MCC: variants seen among roughly 807,000 people sequenced by gnomAD.
The protein encoded by MCC is MCC regulator of Wnt signaling pathway.
In MCC, 90 loss-of-function variants were observed where a neutral mutation model predicts 116.2. The ratio of observed to expected loss-of-function variants is 0.77; its 90% CI spans 0.65 to 0.92. The LOEUF (loss-of-function observed/expected upper bound fraction) is 0.92, where lower values mean the gene tolerates loss of function less well. Ranked by LOEUF, MCC falls within the 40% of genes least tolerant of loss-of-function variation. The pLI is 0.00. For synonymous variants in MCC, 578 were observed against 510.5 expected (o/e 1.13, Z -1.78); for missense variants, 1,516 against 1,312.2 (o/e 1.16, Z -2.40).
chr5:113,186,934 C>G (rs893733495), intron 3 of MCC, among the ~76,000 whole-genome samples: 8 of 152,146 alleles, frequency 5.3e-5, no homozygotes, highest in Non-Finnish European at 1.2e-4. Context: ...CCCAGGGATA[C>G]TGCTAAACAT....
At chr5:113,192,685 T>C (rs1762203873) in intron 3 of MCC, among the ~76,000 whole-genome samples, 1 of 152,184 alleles carries the variant, frequency 6.6e-6, no homozygotes, top group Non-Finnish European at 1.5e-5. Context: ...GACTAAGAGA[T>C]GATACATGCA....
In MCC at chr5:113,419,241, GCTCA is replaced by G. The variant is rs1770246996; in HGVS notation, c.171-34033_171-34030del. Among the ~76,000 whole-genome samples the G allele has an allele frequency of 2.0e-5, 3 of 151,262 alleles. No individual in the cohort carries two copies. In the South Asian group the frequency reaches 6.3e-4, roughly 32 times the overall value. On this transcript the variant is annotated intron_variant, in intron 1 of 18. Transcript: ENST00000408903. ...TGTGGAGTGCAGCGGCGCTATCATA[GCTCA>G]CTTCAGCCTTCAACTCCTGGGCTCA...
At chr5:113,375,652 G>A (rs1768963799) in intron 2 of MCC, among the ~76,000 whole-genome samples, 1 of 152,060 alleles carries the variant, frequency 6.6e-6, no homozygotes, top group Non-Finnish European at 1.5e-5. Flanking sequence ...TCCATGTCTG[G>A]GGCTTGGTGC....
At chr5:113,224,934 T>A (rs550739404) in intron 3 of MCC, among the ~76,000 whole-genome samples, 40 of 152,324 alleles carry the variant, frequency 2.6e-4, no homozygotes, top group Admixed American at 4.6e-4. Context: ...GACCATGATC[T>A]GAGAGGTACC....
intron 3 of MCC, among the ~76,000 whole-genome samples, chr5:113,172,876 AT>A (rs138398343): frequency 0.15 from 22,682 of 149,306 alleles, 2,077 homozygotes; most frequent in African/African-American, 0.26. Flanking sequence ...TATATCACAT[AT>A]TTTTTTTTTG....
intron 3 of MCC, chr5:113,294,542 G>A (rs1766646366): frequency 7.0e-7 from 1 of 1,427,350 alleles, no homozygotes. Context: ...AACGGAGGAT[G>A]CAGGCACTCT....
At chr5:113,482,433 T>G (rs1248984771) in intron 1 of MCC, among the ~76,000 whole-genome samples, 1 of 149,778 alleles carries the variant, frequency 6.7e-6, no homozygotes, top group Non-Finnish European at 1.5e-5. Context: ...TTATCTGACT[T>G]GTTGATTATA....
rs771385288 is a variant in MCC, at chr5:113,433,824, G to A, written c.171-48612C>T. ...CTTGCTGGGGAAACCCAGGATCTCC[G>A]ACTGCCTGGACATTTGCATTGCTGT... On this transcript the variant is annotated intron_variant, in intron 1 of 18. Transcript: ENST00000408903. The A allele has an allele frequency of 2.6e-5, 42 of 1,613,848 alleles. No homozygotes were observed. The African/African-American group carries it at 3.7e-4, about 14-fold the overall frequency.
intron 2 of MCC, among the ~76,000 whole-genome samples, chr5:113,356,686 G>C (rs1768423760): frequency 6.6e-6 from 1 of 152,118 alleles, no homozygotes; most frequent in South Asian, 2.1e-4. Flanking sequence ...CCCAGGTTTG[G>C]CTTCAAGGCC....
chr5:113,346,747 A>T (rs1768143903), intron 2 of MCC, among the ~76,000 whole-genome samples: 1 of 152,152 alleles, frequency 6.6e-6, no homozygotes, highest in Admixed American at 6.6e-5. Context: ...AGCAGATTTA[A>T]CCCAAAGAAG....
Position 113,084,215 on chromosome 5 carries a change from T to C in MCC, c.1546-25A>G, listed in dbSNP as rs774623323. ...TCTTAAAAAAGAAAACAAAACATTA[T>C]AGAAAACTACACACCACTCCTCAGA... is the stretch of plus-strand genomic sequence containing the variant. On this transcript the variant is annotated intron_variant, in intron 9 of 18. Transcript: ENST00000408903. The C allele has an allele frequency of 3.2e-6, 5 of 1,566,348 alleles. No homozygotes were observed. The South Asian group carries it at 5.5e-5, about 17-fold the overall frequency.
chr5:113,070,988 C>A, intron 12 of MCC, 106 bp downstream of exon 12: 2 of 1,335,080 alleles, frequency 1.5e-6, no homozygotes, highest in Non-Finnish European at 2.0e-6. Flanking sequence ...TTGGTCCAAA[C>A]TGCCAGATAT....
intron 1 of MCC, among the ~76,000 whole-genome samples, chr5:113,396,396 C>G (rs554033635): frequency 6.6e-6 from 1 of 151,900 alleles, no homozygotes; most frequent in Middle Eastern, 3.2e-3. Context: ...GTTTGGGAGC[C>G]CAAGGCGGGC....
intron 3 of MCC, among the ~76,000 whole-genome samples, chr5:113,168,583 CTCTT>C (rs544654924): frequency 4.9e-4 from 75 of 152,232 alleles, no homozygotes; most frequent in African/African-American, 1.7e-3. Context: ...ACAAAGCAGG[CTCTT>C]TCTATGGTGA....
chr5:113,477,229 AAAAAC>A (rs1418658731), intron 1 of MCC, among the ~76,000 whole-genome samples: 2 of 152,212 alleles, frequency 1.3e-5, no homozygotes, highest in African/African-American at 2.4e-5. Flanking sequence ...GGTAGTTGCT[AAAAAC>A]AAAACAAGAC....
chr5:113,442,610 T>C (rs1771074710), intron 1 of MCC, among the ~76,000 whole-genome samples: 2 of 152,200 alleles, frequency 1.3e-5, no homozygotes, highest in Admixed American at 1.3e-4. Flanking sequence ...TAGGTTTTCT[T>C]CTAGGATTTT....
chr5:113,246,096 G>A (rs1467019612), intron 3 of MCC, among the ~76,000 whole-genome samples: 2 of 152,210 alleles, frequency 1.3e-5, no homozygotes, highest in South Asian at 4.1e-4. Context: ...TTTAGATTTA[G>A]TTATAAAAGA....
intron 3 of MCC, among the ~76,000 whole-genome samples, chr5:113,166,065 T>A (rs1760751822): frequency 1.3e-5 from 2 of 152,240 alleles, no homozygotes; most frequent in African/African-American, 4.8e-5. Context: ...AGAAGTGACA[T>A]CTAATCCTGA....
intron 1 of MCC, among the ~76,000 whole-genome samples, chr5:113,479,782 A>G (rs2150435331): frequency 6.6e-6 from 1 of 152,052 alleles, no homozygotes; most frequent in African/African-American, 2.4e-5. Flanking sequence ...TTCAGATTAT[A>G]TATTTCTTAG....
Sources: allele counts gnomAD v4.1 joint callset (sites outside exome capture counted in the v4.1 genomes callset), GRCh38; gene constraint gnomAD v4.1.1; transcripts MANE v1.5; gene names NCBI Gene and HGNC (gene_info 2026-07-23, HGNC 2026-07-21).